NFIX: variants seen among roughly 807,000 people sequenced by gnomAD.
The protein encoded by NFIX is nuclear factor I X.
NFIX carries 2 observed loss-of-function variants against 53.3 expected under a neutral mutation model. The observed-to-expected ratio is 0.04, with a 90% CI of 0.02 to 0.12. The LOEUF is 0.12. NFIX is among the 10% of genes least tolerant of loss of function. The pLI, the probability that NFIX is intolerant of heterozygous loss-of-function variation, is 1.00. For missense variants in NFIX, 310 were observed against 674.5 expected (o/e 0.46, Z 5.99); for synonymous variants, 244 against 289.0 (o/e 0.84, Z 1.58).
In NFIX at chr19:13,039,451, T is replaced by C. The variant is rs570467213; in HGVS notation, c.559+13899T>C. Among the ~76,000 whole-genome samples the C allele has an allele frequency of 4.6e-5, 7 of 152,320 alleles. No homozygotes were observed. In the East Asian group the frequency reaches 5.8e-4, roughly 13 times the overall value. On this transcript the variant is annotated intron_variant, in intron 2 of 10. Coordinates refer to ENST00000592199, the MANE Select transcript of NFIX (RefSeq NM_001365902.3). ...ATTGTGTTCCTCTTCAACAAAGTGC[T>C]CCGGCTGCAGAAATGCCCCTGGTGA...
In NFIX at chr19:13,005,557, G is replaced by A. The variant is rs948060011; in HGVS notation, c.27+9693G>A. On this transcript the variant is annotated intron_variant, in intron 1 of 10. Transcript: ENST00000592199. This position sits in a 1 kb window ranked among gnomAD's most constrained non-coding sequence, Gnocchi z 4.7. ...GGTTCACAGCACACGCTTTAAAACT[G>A]TGCTTGATGTGAAAACCTGCTTTGA... Among the ~76,000 whole-genome samples the A allele has an allele frequency of 1.3e-5, 2 of 152,178 alleles. No homozygotes were observed. The highest frequency in any genetic ancestry group is 4.8e-5 in the African/African-American group (2 of 41,446).
intron 1 of NFIX, among the ~76,000 whole-genome samples, chr19:13,016,800 G>C (rs939251533): frequency 6.6e-6 from 1 of 152,100 alleles, no homozygotes; most frequent in Non-Finnish European, 1.5e-5. Flanking sequence ...CCAGCAATGA[G>C]GGGGAGGACG....
At position 13,025,035 on chromosome 19, in the gene NFIX, G is replaced by A. The variant is rs966713031; in HGVS notation, c.42G>A (p.Pro14=). 4 of 1,608,060 alleles carry A rather than the reference G, an allele frequency of 2.5e-6. No homozygotes were observed. The highest frequency in any genetic ancestry group is 1.3e-5 in the African/African-American group (1 of 74,742). The change falls in exon 2 of 11, where the codon CCG becomes CCA. Residue 14 remains proline (P), a synonymous_variant. Transcript: ENST00000592199. The surrounding 1 kb of genome is among the most constrained non-coding windows in gnomAD (Gnocchi z 7.5). The stretch of plus-strand genomic sequence containing the variant: ...GCCGCCTGCAGGATGAGTTCCACCC[G>A]TTCATCGAGGCACTGCTGCCTCACG... The part of the protein sequence containing the change: ...PYCLTQDEFH[P]FIEALLPHVR...
intron 1 of NFIX, among the ~76,000 whole-genome samples, chr19:13,003,582 C>T (rs1462369287): frequency 1.3e-5 from 2 of 152,206 alleles, no homozygotes; most frequent in Non-Finnish European, 2.9e-5. Flanking sequence ...ACACCCCACA[C>T]ACTCCCTAAC....
rs2017257605 is a variant in NFIX at position 13,078,588 on chromosome 19, C to T, written c.956-25C>T. On this transcript the variant is annotated intron_variant, in intron 6 of 10. Transcript: ENST00000592199. This position sits in a 1 kb window ranked among gnomAD's most constrained non-coding sequence, Gnocchi z 4.7. ...CCACCCCAGCCCAGCTAAACCTGCC[C>T]TGTGTTGCTGCTTCCTCCCCCCAGG... 3.8e-6 allele frequency: 6 copies of T among 1,589,146 alleles called. No homozygotes were observed. The Admixed American group carries it at 7.0e-5, about 18-fold the overall frequency.
Position 13,021,902 on chromosome 19 carries a change from G to GT in NFIX, c.28-3113dup, listed in dbSNP as rs956270029. Among the ~76,000 whole-genome samples, 1 of 152,090 alleles carries GT rather than the reference G, an allele frequency of 6.6e-6. No homozygotes were observed. The highest frequency in any genetic ancestry group is 1.5e-5 in the Non-Finnish European group (1 of 68,014). ...CCTGTTTTTGATAGAGCCCTTTGCTGTTTTTTGTTGTGTCCTTTCTTAGCT... is the reference window on the plus strand; with the variant it reads ...CCTGTTTTTGATAGAGCCCTTTGCTGTTTTTTTGTTGTGTCCTTTCTTAGCT... On this transcript the variant is annotated intron_variant, in intron 1 of 10. Transcript: ENST00000592199. This position sits in a 1 kb window ranked among gnomAD's most constrained non-coding sequence, Gnocchi z 4.2.
chr19:13,029,080 C>T (rs1400973140), intron 2 of NFIX, among the ~76,000 whole-genome samples: 1 of 152,184 alleles, frequency 6.6e-6, no homozygotes, highest in African/African-American at 2.4e-5. Context: ...TTTATCTAAA[C>T]TCTTTAATGA....
intron 1 of NFIX, among the ~76,000 whole-genome samples, chr19:12,999,447 C>T (rs1054957825): frequency 6.6e-6 from 1 of 151,868 alleles, no homozygotes; most frequent in Admixed American, 6.6e-5. Context: ...GCTGGGATTA[C>T]AGGCATGAGC....
intron 2 of NFIX, among the ~76,000 whole-genome samples, chr19:13,042,547 G>A (rs535459216): frequency 7.2e-5 from 11 of 151,780 alleles, no homozygotes; most frequent in Admixed American, 5.3e-4. Context: ...TAGTAGAGAC[G>A]GGATTTCGCC....
rs1342957848 is a variant in NFIX at position 13,009,516 on chromosome 19, C to A, written c.27+13652C>A. On this transcript the variant is annotated intron_variant, in intron 1 of 10. Transcript: ENST00000592199. The surrounding 1 kb of genome is among the most constrained non-coding windows in gnomAD (Gnocchi z 4.7). ...AAACAGGTTCACTCCAGCTTTTCAT[C>A]CCCCTTCTGGCCACCTGAGGCTCCT... 6.6e-6 allele frequency among the ~76,000 whole-genome samples: 1 copy of A among 152,174 alleles called. No individual in the cohort carries two copies. Among genetic ancestry groups the A allele is most frequent in the Non-Finnish European group, 1.5e-5 (1 of 68,036 alleles).
At chr19:13,008,595 C>T (rs889075485) in intron 1 of NFIX, among the ~76,000 whole-genome samples, 1 of 152,200 alleles carries the variant, frequency 6.6e-6, no homozygotes, top group African/African-American at 2.4e-5. Flanking sequence ...TGATCTTTCC[C>T]CACATCCCTC....
At chr19:13,015,548 G>A (rs2012611185) in intron 1 of NFIX, among the ~76,000 whole-genome samples, 1 of 152,174 alleles carries the variant, frequency 6.6e-6, no homozygotes, top group Admixed American at 6.5e-5. Flanking sequence ...TCTCCCTTTG[G>A]GAACCCCTGG....
At chr19:13,087,007 T>G (rs2145497995) in intron 8 of NFIX, among the ~76,000 whole-genome samples, 1 of 152,262 alleles carries the variant, frequency 6.6e-6, no homozygotes, top group Non-Finnish European at 1.5e-5. Context: ...AGGTGCTGGT[T>G]TAGGATGAAG....
intron 2 of NFIX, chr19:13,070,588 G>C (rs2016713317): frequency 6.6e-6 from 1 of 152,498 alleles, no homozygotes; most frequent in South Asian, 2.1e-4. Flanking sequence ...CTGGAGCTGA[G>C]CTGAGCATGT....
Position 13,072,907 on chromosome 19 carries a change from G to A in NFIX, c.560-140G>A. The A allele has an allele frequency of 2.5e-6, 2 of 806,246 alleles. No individual in the cohort carries two copies. Among genetic ancestry groups the A allele is most frequent in the Middle Eastern group, 2.6e-4 (1 of 3,892 alleles). The allele number at this position is 806,246 out of a possible 1,614,324, so 49.9% of individuals were successfully genotyped here. A position where few individuals can be genotyped will look rare whatever the true frequency, so the allele number is the denominator to read the frequency against. The stretch of plus-strand genomic sequence containing the variant: ...TCCCGGAGCCTCCTGGGGCTGGTTT[G>A]GGGAGAGGGTGGGGTGAAGGTTTCT... On this transcript the variant is annotated intron_variant, in intron 2 of 10. Transcript: ENST00000592199. The surrounding 1 kb of genome is among the most constrained non-coding windows in gnomAD (Gnocchi z 4.0).
chr19:12,997,329 T>C (rs969500406), intron 1 of NFIX, among the ~76,000 whole-genome samples: 1 of 152,190 alleles, frequency 6.6e-6, no homozygotes, highest in Non-Finnish European at 1.5e-5. Flanking sequence ...GGGCCGGCCA[T>C]GGGCAGGCCT....
chr19:13,004,439 A>C (rs995626469), intron 1 of NFIX, among the ~76,000 whole-genome samples: 6 of 152,104 alleles, frequency 3.9e-5, no homozygotes, highest in African/African-American at 1.2e-4. Flanking sequence ...TGCCATGTAC[A>C]CAGTCCAGTG....
intron 8 of NFIX, among the ~76,000 whole-genome samples, chr19:13,087,400 A>G (rs893014039): frequency 6.6e-6 from 1 of 152,162 alleles, no homozygotes; most frequent in Non-Finnish European, 1.5e-5. Flanking sequence ...AGAACAGGTC[A>G]GCACCCTACC....
chr19:13,064,702 A>G (rs1233997624), intron 2 of NFIX, among the ~76,000 whole-genome samples: 1 of 152,144 alleles, frequency 6.6e-6, no homozygotes, highest in African/African-American at 2.4e-5. Context: ...CACACTCACC[A>G]TGTACTCAAG....
Sources: allele counts gnomAD v4.1 joint callset (sites outside exome capture counted in the v4.1 genomes callset), GRCh38; gene constraint gnomAD v4.1.1; non-coding constraint Gnocchi (gnomAD v3.1); transcripts MANE v1.5; gene names NCBI Gene and HGNC (gene_info 2026-07-23, HGNC 2026-07-21).